The following CASK variants were observed in gnomAD, a reference collection of about 807,000 sequenced individuals.
The protein encoded by CASK is peripheral plasma membrane protein CASK.
A neutral mutation model predicts 82.9 loss-of-function variants in CASK; 4 were observed. That is an observed-to-expected ratio of 0.05 (90% CI 0.02 to 0.11). CASK has a LOEUF of 0.11. CASK is among the 10% of genes least tolerant of loss of function. The probability of loss-of-function intolerance (pLI) is 1.00; values close to 1 mark genes in which losing one functional copy is unlikely to be tolerated. For missense variants in CASK, 358 were observed against 720.9 expected, an observed-to-expected ratio of 0.50 and a Z score of 5.76; for synonymous variants, 259 against 253.5, an observed-to-expected ratio of 1.02 and a Z score of -0.20.
intron 6 of CASK, among the ~76,000 whole-genome samples, chrX:41,666,592 GA>G (rs2067121571): frequency 8.9e-6 from 1 of 112,092 alleles, no homozygotes; most frequent in Non-Finnish European, 1.9e-5. Context: ...TCATGATTAT[GA>G]AACTCAGTTG....
At chrX:41,762,177 A>C (rs1023445500) in intron 3 of CASK, among the ~76,000 whole-genome samples, 5 of 112,141 alleles carry the variant, frequency 4.5e-5, no homozygotes, top group African/African-American at 1.6e-4. Context: ...GAATATAGGA[A>C]ATCTGGCTCC....
At chrX:41,550,210 C>G (rs918141179) in intron 21 of CASK, among the ~76,000 whole-genome samples, 2 of 111,969 alleles carry the variant, frequency 1.8e-5, no homozygotes, top group Middle Eastern at 4.6e-3. Flanking sequence ...TCATGCCCCT[C>G]TGTAATTCCT....
intron 2 of CASK, among the ~76,000 whole-genome samples, chrX:41,808,857 C>T (rs957587016): frequency 2.7e-5 from 3 of 112,454 alleles, no homozygotes; most frequent in East Asian, 2.8e-4. Context: ...TCTGGAAAAT[C>T]GCGTCACTCT....
chrX:41,666,937 A>G (rs1266338412), intron 6 of CASK, among the ~76,000 whole-genome samples: 1 of 111,232 alleles, frequency 9.0e-6, no homozygotes, highest in East Asian at 2.8e-4. Flanking sequence ...GATGGACAGG[A>G]GCTAGCAGGA....
intron 5 of CASK, chrX:41,697,364 A>G (rs1360362541): frequency 8.3e-6 from 1 of 121,111 alleles, no homozygotes; most frequent in Non-Finnish European, 1.9e-5. Context: ...TAACGATTCA[A>G]TAGCCTAGCA....
At chrX:41,783,317 C>T (rs1464044987) in intron 3 of CASK, among the ~76,000 whole-genome samples, 2 of 110,058 alleles carry the variant, frequency 1.8e-5, no homozygotes, top group African/African-American at 3.3e-5. Flanking sequence ...GTAATCCCAG[C>T]ACTTTGGGAG....
At chrX:41,594,855 C>T (rs889518916) in intron 12 of CASK, among the ~76,000 whole-genome samples, 1 of 111,624 alleles carries the variant, frequency 9.0e-6, no homozygotes, top group Admixed American at 9.5e-5. Context: ...CAGGACAGAG[C>T]CAACACTGGG....
chrX:41,797,377 T>C (rs144028249), intron 2 of CASK, among the ~76,000 whole-genome samples: 3 of 109,868 alleles, frequency 2.7e-5, no homozygotes, highest in East Asian at 5.8e-4. Flanking sequence ...AAGTTCTCTT[T>C]AACAATCTCC....
intron 1 of CASK, among the ~76,000 whole-genome samples, chrX:41,906,793 T>C (rs1256268556): frequency 1.8e-5 from 2 of 113,214 alleles, no homozygotes; most frequent in Non-Finnish European, 3.7e-5. Flanking sequence ...TGGGTGGCTA[T>C]TGTGCTAGCT....
At chrX:41,565,433 T>C (rs2065297199) in intron 16 of CASK, among the ~76,000 whole-genome samples, 1 of 111,719 alleles carries the variant, frequency 9.0e-6, no homozygotes, top group Non-Finnish European at 1.9e-5. Flanking sequence ...AAATACAAAC[T>C]ACCATCAGAG....
intron 1 of CASK, among the ~76,000 whole-genome samples, chrX:41,898,009 C>T (rs1435673887): frequency 9.0e-6 from 1 of 111,431 alleles, no homozygotes; most frequent in African/African-American, 3.3e-5. Context: ...GGAAGTATTC[C>T]CTCTTCAATT....
At chrX:41,851,572 T>C (rs956368930) in intron 2 of CASK, among the ~76,000 whole-genome samples, 1 of 111,807 alleles carries the variant, frequency 8.9e-6, no homozygotes. Flanking sequence ...TAAGTAATTG[T>C]TTCCCGAAAG....
At chrX:41,812,274 G>C (rs1406891066) in intron 2 of CASK, among the ~76,000 whole-genome samples, 1 of 111,591 alleles carries the variant, frequency 9.0e-6, no homozygotes, top group African/African-American at 3.3e-5. Context: ...AAGGCTGGCA[G>C]AGGCACAACA....
intron 10 of CASK, among the ~76,000 whole-genome samples, chrX:41,624,660 C>G (rs1167103028): frequency 9.0e-6 from 1 of 111,589 alleles, no homozygotes; most frequent in Non-Finnish European, 1.9e-5. Context: ...TCATTTTGCA[C>G]AAGGTACAAG....
At chrX:41,771,504 C>T (rs762765894) in intron 3 of CASK, among the ~76,000 whole-genome samples, 10 of 110,952 alleles carry the variant, frequency 9.0e-5, no homozygotes, top group Admixed American at 9.6e-5. Context: ...TTTATACACA[C>T]GAATATAATT....
chrX:41,553,080 C>T (rs1390595264), intron 21 of CASK, among the ~76,000 whole-genome samples: 4 of 112,065 alleles, frequency 3.6e-5, no homozygotes, highest in Non-Finnish European at 7.5e-5. Flanking sequence ...GAAACGGTAA[C>T]AATAATAGCA....
chrX:41,906,943 G>A (rs1252323982), intron 1 of CASK, among the ~76,000 whole-genome samples: 1 of 112,924 alleles, frequency 8.9e-6, no homozygotes, highest in African/African-American at 3.2e-5. Flanking sequence ...TAGATAGGTT[G>A]CCTTTGGCGA....
chrX:41,769,071 G>C (rs1161835762), intron 3 of CASK, among the ~76,000 whole-genome samples: 1 of 110,348 alleles, frequency 9.1e-6, no homozygotes, highest in South Asian at 3.8e-4. Context: ...TGAAAACTAC[G>C]TTAAAAGAGT....
chrX:41,829,525 G>T (rs1004981534), intron 2 of CASK, among the ~76,000 whole-genome samples: 2 of 94,836 alleles, frequency 2.1e-5, no homozygotes, highest in Non-Finnish European at 4.1e-5. Context: ...ATGTCATTCC[G>T]CCACTGTTGG....
Sources: gnomAD v4.1 joint callset for allele counts (sites outside exome capture counted in the v4.1 genomes callset) on GRCh38, gnomAD v4.1.1 for gene constraint, MANE v1.5 for transcripts, NCBI Gene and HGNC (gene_info 2026-07-23, HGNC 2026-07-21) for gene names.